CNTN3: variants seen among roughly 807,000 people sequenced by gnomAD.
The protein encoded by CNTN3 is contactin 3, also known as contactin-3.
CNTN3 carries 60 observed loss-of-function variants against 119.1 expected under a neutral mutation model. The observed-to-expected ratio is 0.50, with a 90% CI of 0.41 to 0.62. CNTN3 has a LOEUF of 0.62. Among genes scored for constraint, CNTN3 ranks in the 20% least tolerant of loss-of-function variants. CNTN3 has a pLI of 0.00. For missense variants in CNTN3, 1,101 were observed against 1,242.4 expected, an observed-to-expected ratio of 0.89 and a Z score of 1.71; for synonymous variants, 450 against 438.7, an observed-to-expected ratio of 1.03 and a Z score of -0.32.
intron 1 of CNTN3, among the ~76,000 whole-genome samples, chr3:74,584,353 C>A (rs1045097337): frequency 1.3e-5 from 2 of 152,102 alleles, no homozygotes; most frequent in Non-Finnish European, 2.9e-5. Context: ...CCTTCTAAAT[C>A]TCATATTAAG....
chr3:74,478,860 C>A (rs1702708325), intron 4 of CNTN3, among the ~76,000 whole-genome samples: 1 of 152,180 alleles, frequency 6.6e-6, no homozygotes, highest in Non-Finnish European at 1.5e-5. Flanking sequence ...ATAAAAGCAA[C>A]TAACCATCAT....
intron 11 of CNTN3, among the ~76,000 whole-genome samples, chr3:74,343,915 T>A (rs1703611006): frequency 6.6e-6 from 1 of 152,316 alleles, no homozygotes; most frequent in African/African-American, 2.4e-5. Flanking sequence ...TCCATTGGAC[T>A]CTCCCTCTTC....
intron 13 of CNTN3, among the ~76,000 whole-genome samples, chr3:74,322,032 A>T (rs1000053197): frequency 2.0e-5 from 3 of 152,064 alleles, no homozygotes; most frequent in Non-Finnish European, 4.4e-5. Context: ...CTAAAAATAC[A>T]AAAATTAGCC....
chr3:74,436,350 T>A (rs1207717920), intron 4 of CNTN3, among the ~76,000 whole-genome samples: 1 of 152,120 alleles, frequency 6.6e-6, no homozygotes, highest in Admixed American at 6.5e-5. Context: ...CTTCTCCAGC[T>A]CCCTTTGTCG....
At chr3:74,539,447 C>CA (rs1703810612) in intron 1 of CNTN3, among the ~76,000 whole-genome samples, 2 of 151,980 alleles carry the variant, frequency 1.3e-5, no homozygotes, top group African/African-American at 4.8e-5. Flanking sequence ...AGGCTTAGGG[C>CA]AATAAAGTGA....
At chr3:74,314,167 T>C (rs1364645704) in intron 13 of CNTN3, among the ~76,000 whole-genome samples, 2 of 152,026 alleles carry the variant, frequency 1.3e-5, no homozygotes, top group African/African-American at 4.8e-5. Flanking sequence ...AGCAACATGC[T>C]ATGAAATGAG....
intron 4 of CNTN3, among the ~76,000 whole-genome samples, chr3:74,474,524 C>T (rs554781113): frequency 2.0e-5 from 3 of 152,092 alleles, no homozygotes; most frequent in East Asian, 1.9e-4. Context: ...CAGCAAGTCT[C>T]GCTCAGTCAC....
intron 13 of CNTN3, among the ~76,000 whole-genome samples, chr3:74,319,887 C>T (rs566680671): frequency 6.6e-6 from 1 of 151,670 alleles, no homozygotes; most frequent in African/African-American, 2.4e-5. Context: ...CAAAAGAAGA[C>T]ATTTATGCAG....
chr3:74,577,202 T>C (rs1704432249), intron 1 of CNTN3, among the ~76,000 whole-genome samples: 1 of 152,174 alleles, frequency 6.6e-6, no homozygotes. Flanking sequence ...TTTAGATGAA[T>C]GGACAAACTA....
intron 11 of CNTN3, among the ~76,000 whole-genome samples, chr3:74,353,522 C>T (rs1246248730): frequency 2.0e-5 from 3 of 152,130 alleles, no homozygotes; most frequent in Admixed American, 6.5e-5. Flanking sequence ...TTTGGGAGGC[C>T]GAGACGGGTG....
intron 9 of CNTN3, 45 bp downstream of exon 9, chr3:74,365,521 G>A (rs1439369797): frequency 1.4e-5 from 22 of 1,610,514 alleles, no homozygotes; most frequent in Non-Finnish European, 1.9e-5. Flanking sequence ...GGAAAGGGTG[G>A]ATTTACCAGG....
At chr3:74,294,274 C>T (rs1702290440) in intron 19 of CNTN3, among the ~76,000 whole-genome samples, 2 of 152,194 alleles carry the variant, frequency 1.3e-5, no homozygotes, top group South Asian at 4.1e-4. Context: ...TGCCAGTTCT[C>T]AGCTCTACTA....
intron 11 of CNTN3, among the ~76,000 whole-genome samples, chr3:74,347,172 T>C (rs532036585): frequency 6.6e-6 from 1 of 152,272 alleles, no homozygotes; most frequent in East Asian, 1.9e-4. Flanking sequence ...AGGTAGGAAA[T>C]ATTATGTCAT....
intron 11 of CNTN3, among the ~76,000 whole-genome samples, chr3:74,345,571 A>G (rs1703668965): frequency 6.6e-6 from 1 of 152,214 alleles, no homozygotes; most frequent in South Asian, 2.1e-4. Flanking sequence ...GTTAATATTC[A>G]GTTACCCTTA....
At chr3:74,307,794 T>C (rs1288328913) in intron 13 of CNTN3, among the ~76,000 whole-genome samples, 1 of 152,204 alleles carries the variant, frequency 6.6e-6, no homozygotes, top group East Asian at 1.9e-4. Flanking sequence ...ACTTTCAGTA[T>C]AATAAATTAT....
chr3:74,271,715 C>A (rs1431256610), intron 20 of CNTN3, among the ~76,000 whole-genome samples: 1 of 152,108 alleles, frequency 6.6e-6, no homozygotes, highest in Non-Finnish European at 1.5e-5. Context: ...TTGGACTTCA[C>A]TTAAGATAAT....
intron 5 of CNTN3, among the ~76,000 whole-genome samples, chr3:74,421,804 A>G (rs1443833151): frequency 6.6e-6 from 1 of 152,156 alleles, no homozygotes; most frequent in African/African-American, 2.4e-5. Context: ...CCGGAGTTAC[A>G]GCTTCAGCTG....
At chr3:74,351,264 C>T (rs772585156) in intron 11 of CNTN3, among the ~76,000 whole-genome samples, 11 of 152,276 alleles carry the variant, frequency 7.2e-5, no homozygotes, top group East Asian at 1.9e-4. Flanking sequence ...GTGAGAGAAA[C>T]GGGGCAGCGA....
intron 12 of CNTN3, among the ~76,000 whole-genome samples, chr3:74,335,261 CTG>C (rs139249509): frequency 0.027 from 4,110 of 152,134 alleles, 211 homozygotes; most frequent in African/African-American, 0.093. Context: ...ATAGAAAATA[CTG>C]TGTTTTCACC....
Sources: gnomAD v4.1 joint callset for allele counts (sites outside exome capture counted in the v4.1 genomes callset) on GRCh38, gnomAD v4.1.1 for gene constraint, MANE v1.5 for transcripts, NCBI Gene and HGNC (gene_info 2026-07-23, HGNC 2026-07-21) for gene names.